ELMO1: variants seen among roughly 807,000 people sequenced by gnomAD.
ELMO1 encodes engulfment and cell motility protein 1.
Under a neutral mutation model 98.9 loss-of-function variants are expected in ELMO1, and 26 were observed. That is an observed-to-expected ratio of 0.26 (90% CI 0.19 to 0.36). ELMO1 has a LOEUF of 0.36. Among genes scored for constraint, ELMO1 ranks in the 10% least tolerant of loss-of-function variants. The pLI, the probability that ELMO1 is intolerant of heterozygous loss-of-function variation, is 1.00. For missense variants in ELMO1, 627 were observed against 935.2 expected (o/e 0.67, Z 4.30); for synonymous variants, 346 against 346.0 (o/e 1.00, Z 0.00).
intron 13 of ELMO1, among the ~76,000 whole-genome samples, chr7:37,206,933 T>C (rs1792661892): frequency 6.6e-6 from 1 of 152,034 alleles, no homozygotes; most frequent in Non-Finnish European, 1.5e-5. Context: ...TCTGCTTTGA[T>C]TCAGAAGGGA....
chr7:37,215,919 C>T (rs1448476255), intron 11 of ELMO1, among the ~76,000 whole-genome samples: 4 of 152,178 alleles, frequency 2.6e-5, no homozygotes, highest in African/African-American at 9.7e-5. Flanking sequence ...GTGTTTTTAA[C>T]TGTAAGCTTG....
intron 1 of ELMO1, among the ~76,000 whole-genome samples, chr7:37,379,897 T>C (rs1351926436): frequency 6.6e-6 from 1 of 152,220 alleles, no homozygotes; most frequent in East Asian, 1.9e-4. Flanking sequence ...GCACACAAAC[T>C]GTCTTTGTGT....
chr7:37,260,261 T>A lies in ELMO1; in HGVS notation c.244-911A>T, dbSNP rs114281179. On this transcript the variant is annotated intron_variant, in intron 5 of 21. Transcript: ENST00000310758. ...CACTCTGCTATCATCATATTCTCCT[T>A]CTCGGGTACTTGCTTTCTCTTTTGA... is the stretch of plus-strand genomic sequence containing the variant. 9.7e-3 allele frequency among the ~76,000 whole-genome samples: 1,475 copies of A among 152,274 alleles called. 32 individuals carry two copies. Among genetic ancestry groups the A allele is most frequent in the African/African-American group, 0.034 (1,415 of 41,538 alleles).
intron 11 of ELMO1, among the ~76,000 whole-genome samples, chr7:37,214,084 G>A (rs1793142972): frequency 6.6e-6 from 1 of 152,150 alleles, no homozygotes; most frequent in Admixed American, 6.5e-5. Context: ...AAACAGAACT[G>A]AAAAGAGAAC....
In ELMO1 at chr7:36,855,159, G is replaced by A; in HGVS notation, c.*392C>T. ...ATTTCCTCCAGACAGGGGCCTTGGG[G>A]CACTGCCCTTGGTCTGGTGGGCAAG... On this transcript the variant is annotated 3_prime_UTR_variant, in exon 22 of 22. Coordinates refer to ENST00000310758, the MANE Select transcript of ELMO1 (RefSeq NM_014800.11). The surrounding 1 kb of genome is among the most constrained non-coding windows in gnomAD (Gnocchi z 4.2). The A allele has an allele frequency of 4.0e-6, 1 of 251,948 alleles. No individual in the cohort carries two copies. The highest frequency in any genetic ancestry group is 5.4e-5 in the South Asian group (1 of 18,640). 15.6% of individuals were successfully genotyped at this position (251,948 alleles called of 1,614,324 possible).
At position 37,211,522 on chromosome 7, in the gene ELMO1, A is replaced by G; in HGVS notation, c.955-5T>C. On this transcript the variant is annotated splice_region_variant and splice_polypyrimidine_tract_variant and intron_variant, in intron 12 of 21. Coordinates refer to ENST00000310758, the MANE Select transcript of ELMO1 (RefSeq NM_014800.11). ...AAATATGATGTCCCTCTGAGCCTGA[A>G]GGAATCAGGGAGTAAAAAGAAAAGG... 2 of 1,613,712 alleles carry G rather than the reference A, an allele frequency of 1.2e-6. No individual in the cohort carries two copies. The highest frequency in any genetic ancestry group is 1.7e-6 in the Non-Finnish European group (2 of 1,179,790).
chr7:37,125,031 G>A (rs1444776279), intron 14 of ELMO1, among the ~76,000 whole-genome samples: 1 of 152,016 alleles, frequency 6.6e-6, no homozygotes, highest in Non-Finnish European at 1.5e-5. Context: ...AACAAGAAAT[G>A]GGGAAAGGAT....
intron 16 of ELMO1, among the ~76,000 whole-genome samples, chr7:36,931,235 C>T (rs190324757): frequency 6.6e-5 from 10 of 152,334 alleles, no homozygotes; most frequent in East Asian, 1.9e-4. Context: ...CTGCTTAAGA[C>T]GTAATGGATG....
At chr7:37,139,905 T>A (rs1222049100) in intron 13 of ELMO1, among the ~76,000 whole-genome samples, 1 of 151,946 alleles carries the variant, frequency 6.6e-6, no homozygotes, top group Non-Finnish European at 1.5e-5. Context: ...AACCCAGAAA[T>A]AGAGCCAAAT....
chr7:37,021,538 GCA>G (rs1794267146), intron 15 of ELMO1, among the ~76,000 whole-genome samples: 1 of 151,920 alleles, frequency 6.6e-6, no homozygotes, highest in Non-Finnish European at 1.5e-5. Flanking sequence ...CACATCCCAG[GCA>G]CACAGTTAAT....
At chr7:36,861,970 C>T (rs1393288059) in intron 20 of ELMO1, 3 of 556,946 alleles carry the variant, frequency 5.4e-6, no homozygotes, top group Non-Finnish European at 9.7e-6. Context: ...GCCCATGTAG[C>T]AAGTGTTTTC....
intron 4 of ELMO1, among the ~76,000 whole-genome samples, chr7:37,289,064 A>C (rs1797543987): frequency 6.6e-6 from 1 of 152,072 alleles, no homozygotes; most frequent in South Asian, 2.1e-4. Context: ...ACAGATGCCC[A>C]AGAAGAATGG....
At chr7:37,160,317 A>G (rs146888043) in intron 13 of ELMO1, among the ~76,000 whole-genome samples, 6 of 152,330 alleles carry the variant, frequency 3.9e-5, no homozygotes, top group African/African-American at 1.2e-4. Flanking sequence ...CTGTTTCTCT[A>G]AGAAATATTA....
intron 5 of ELMO1, among the ~76,000 whole-genome samples, chr7:37,268,358 G>A (rs1200037065): frequency 1.4e-4 from 22 of 152,188 alleles, no homozygotes; most frequent in Admixed American, 1.4e-3. Context: ...CTGGAGTGCA[G>A]TGGCATGATC....
intron 1 of ELMO1, among the ~76,000 whole-genome samples, chr7:37,438,304 C>T (rs557548316): frequency 3.3e-5 from 5 of 151,696 alleles, no homozygotes; most frequent in East Asian, 3.9e-4. Flanking sequence ...ACTACTGAAT[C>T]GGGCCGGGCG....
chr7:37,100,240 A>G (rs893678669), intron 14 of ELMO1, among the ~76,000 whole-genome samples: 2 of 152,206 alleles, frequency 1.3e-5, no homozygotes, highest in Admixed American at 6.5e-5. Context: ...TGTTCCTCCT[A>G]GACAAAGCTA....
intron 14 of ELMO1, among the ~76,000 whole-genome samples, chr7:37,103,033 G>T (rs1191234317): frequency 6.6e-6 from 1 of 152,152 alleles, no homozygotes; most frequent in Non-Finnish European, 1.5e-5. Context: ...CCATGAAAAT[G>T]AGTGAAGGAA....
chr7:36,911,911 A>G (rs1784370791), intron 16 of ELMO1, among the ~76,000 whole-genome samples: 1 of 152,164 alleles, frequency 6.6e-6, no homozygotes, highest in African/African-American at 2.4e-5. Flanking sequence ...AATCAGTGCC[A>G]AACTAAGCAG....
At chr7:37,411,073 A>T (rs563380668) in intron 1 of ELMO1, among the ~76,000 whole-genome samples, 74 of 152,368 alleles carry the variant, frequency 4.9e-4, no homozygotes, top group African/African-American at 1.8e-3. Context: ...TAGGAACAAG[A>T]AGTAGTATAA....
Sources: gnomAD v4.1 joint callset for allele counts (sites outside exome capture counted in the v4.1 genomes callset) on GRCh38, gnomAD v4.1.1 for gene constraint, Gnocchi (gnomAD v3.1) non-coding constraint, MANE v1.5 for transcripts, NCBI Gene and HGNC (gene_info 2026-07-23, HGNC 2026-07-21) for gene names.